EML4: variants seen among roughly 807,000 people sequenced by gnomAD.
EML4 encodes the protein echinoderm microtubule-associated protein-like 4.
A neutral mutation model predicts 129.0 loss-of-function variants in EML4; 72 were observed. The ratio of observed to expected loss-of-function variants is 0.56; its 90% CI spans 0.46 to 0.68. The LOEUF is 0.68. EML4 is among the 30% of genes least tolerant of loss of function. The pLI, the probability that EML4 is intolerant of heterozygous loss-of-function variation, is 0.00. For synonymous variants in EML4, 532 were observed against 405.0 expected (o/e 1.31, Z -3.77); for missense variants, 1,363 against 1,190.6 (o/e 1.14, Z -2.13).
intron 6 of EML4, among the ~76,000 whole-genome samples, chr2:42,275,565 A>G (rs547275222): frequency 1.3e-5 from 2 of 152,246 alleles, no homozygotes; most frequent in Non-Finnish European, 2.9e-5. Flanking sequence ...AACAGCCTTT[A>G]TGAACAATAT....
chr2:42,209,798 G>A (rs573501486), intron 1 of EML4, among the ~76,000 whole-genome samples: 1 of 152,056 alleles, frequency 6.6e-6, no homozygotes, highest in African/African-American at 2.4e-5. Context: ...GCATAGCGAC[G>A]AGTGCCTGTA....
chr2:42,223,137 C>A (rs1673724608), intron 1 of EML4, among the ~76,000 whole-genome samples: 1 of 152,060 alleles, frequency 6.6e-6, no homozygotes, highest in African/African-American at 2.4e-5. Flanking sequence ...TGCACAGATT[C>A]CATATTTAGA....
intron 19 of EML4, among the ~76,000 whole-genome samples, chr2:42,323,935 C>T (rs1432507914): frequency 2.7e-5 from 4 of 146,548 alleles, no homozygotes; most frequent in East Asian, 2.1e-4. Flanking sequence ...ACGAGTGAGA[C>T]TCTGTCTCAA....
intron 1 of EML4, among the ~76,000 whole-genome samples, chr2:42,236,763 T>C (rs1320484918): frequency 6.6e-6 from 1 of 152,114 alleles, no homozygotes; most frequent in African/African-American, 2.4e-5. Flanking sequence ...TTGAAACAGG[T>C]CACTTTCTAC....
At chr2:42,327,944 G>A (rs1475601339) in intron 21 of EML4, among the ~76,000 whole-genome samples, 5 of 152,112 alleles carry the variant, frequency 3.3e-5, no homozygotes, top group Admixed American at 2.0e-4. Flanking sequence ...TCCATTATAG[G>A]TGGTTGTTCT....
intron 1 of EML4, among the ~76,000 whole-genome samples, chr2:42,194,044 C>T (rs964847033): frequency 6.6e-6 from 1 of 152,062 alleles, no homozygotes; most frequent in South Asian, 2.1e-4. Flanking sequence ...GCAGAATTTC[C>T]CTTTTACCAT....
intron 1 of EML4, among the ~76,000 whole-genome samples, chr2:42,241,648 T>G (rs778807990): frequency 6.6e-6 from 1 of 152,214 alleles, no homozygotes; most frequent in Non-Finnish European, 1.5e-5. Flanking sequence ...CACTCAGTAG[T>G]TTAAGCCCCT....
Position 42,301,236 on chromosome 2 carries a change from A to G in EML4, c.1490-5A>G, listed in dbSNP as rs185168344. 243 of 1,605,752 alleles carry G rather than the reference A, an allele frequency of 1.5e-4. No individual in the cohort carries two copies. The African/African-American group carries it at 3.0e-3, about 20-fold the overall frequency. The stretch of plus-strand genomic sequence containing the variant: ...ACTAGTGTTTTTATTTTTCCCTCAT[A>G]TTAGGTGTATATCAAATCAGCAAAC... On this transcript the variant is annotated splice_polypyrimidine_tract_variant and splice_region_variant and intron_variant, in intron 13 of 22. Transcript: ENST00000318522.
rs778866690 is a variant in EML4, at chr2:42,220,780, G to A, written c.26-24725G>A. Among the ~76,000 whole-genome samples the A allele has an allele frequency of 3.9e-5, 6 of 152,156 alleles. 1 individual carries two copies. Among genetic ancestry groups the A allele is most frequent in the Admixed American group, 1.3e-4 (2 of 15,272 alleles). ...TTGTGAATGCAGAGAAAAAGTTTCTGAAGAGTGCTACTCCAGTGAACATAT... is the reference window on the plus strand; with the variant it reads ...TTGTGAATGCAGAGAAAAAGTTTCTAAAGAGTGCTACTCCAGTGAACATAT... On this transcript the variant is annotated intron_variant, in intron 1 of 22. Coordinates refer to ENST00000318522, the MANE Select transcript of EML4 (RefSeq NM_019063.5).
At position 42,169,580 on chromosome 2, in the gene EML4, C is replaced by G. The variant is rs377169091; in HGVS notation, c.-32C>G. 1.1e-5 allele frequency: 18 copies of G among 1,597,894 alleles called. No individual in the cohort carries two copies. The highest frequency in any genetic ancestry group is 8.5e-5 in the Admixed American group (5 of 58,926). ...TCCGCTGAATGAAGTGCCCGCCCCT[C>G]TAAGCCCGGAGCCCGGCGCTTTCCC... is the stretch of plus-strand genomic sequence containing the variant. On this transcript the variant is annotated 5_prime_UTR_variant, in exon 1 of 23. Transcript: ENST00000318522.
At chr2:42,316,372 C>G (rs1669245332) in intron 18 of EML4, among the ~76,000 whole-genome samples, 1 of 152,164 alleles carries the variant, frequency 6.6e-6, no homozygotes, top group South Asian at 2.1e-4. Flanking sequence ...CTAAATGTCA[C>G]ATCTGGTTAG....
chr2:42,252,993 A>G (rs561096143), intron 2 of EML4, among the ~76,000 whole-genome samples: 2 of 152,302 alleles, frequency 1.3e-5, no homozygotes, highest in South Asian at 2.1e-4. Context: ...GTTTGTAAAC[A>G]TAAGAGTAGG....
In EML4 at chr2:42,256,582, G is replaced by A; in HGVS notation, c.290G>A (p.Ser97Asn). 6.2e-7 allele frequency: 1 copy of A among 1,613,906 alleles called. No homozygotes were observed. The highest frequency in any genetic ancestry group is 8.5e-7 in the Non-Finnish European group (1 of 1,179,870). The change falls in exon 3 of 23, where the codon AGT (serine) becomes AAT (asparagine). Residue 97 changes from serine (S) to asparagine (N), a missense_variant. Ser to Asn is a conservative substitution (Grantham distance 46). Transcript: ENST00000318522. ...GCAAACAGAAAACCAAGTCATACCA[G>A]TGCTGTCTCAATTGCAGGAAAAGAA... is the stretch of plus-strand genomic sequence containing the variant. Reference protein sequence around the residue: ...SGANRKPSHTSAVSIAGKETL... With the variant: ...SGANRKPSHTNAVSIAGKETL...
chr2:42,173,234 A>AT (rs1670379333), intron 1 of EML4, among the ~76,000 whole-genome samples: 1 of 152,148 alleles, frequency 6.6e-6, no homozygotes. Flanking sequence ...GCTGTATATG[A>AT]TTTTCACATA....
chr2:42,325,982 T>G (rs1669791689), intron 20 of EML4, 172 bp from the exon 21 acceptor site: 4 of 613,712 alleles, frequency 6.5e-6, no homozygotes, highest in Non-Finnish European at 8.2e-6. Flanking sequence ...GTTTGTAGTT[T>G]TATAAACCCT....
chr2:42,304,126 C>T (rs989404634), intron 16 of EML4, among the ~76,000 whole-genome samples: 1 of 152,140 alleles, frequency 6.6e-6, no homozygotes, highest in Non-Finnish European at 1.5e-5. Flanking sequence ...TGGGTGGTCT[C>T]TTACTGTATT....
At chr2:42,194,569 G>C (rs1403603834) in intron 1 of EML4, among the ~76,000 whole-genome samples, 1 of 151,010 alleles carries the variant, frequency 6.6e-6, no homozygotes. Context: ...AGGCTGGAGT[G>C]CAGTAGCTCA....
chr2:42,263,630 C>G (rs1479498105), intron 5 of EML4, among the ~76,000 whole-genome samples: 2 of 151,954 alleles, frequency 1.3e-5, no homozygotes, highest in East Asian at 3.9e-4. Context: ...GTCTCGATCT[C>G]TTGACCTCAT....
rs116049062 is a variant in EML4, at chr2:42,282,594, T to C, written c.792-229T>C. ...ATTTTCTGTCGAGATGGGGTCTCAC[T>C]ATTGCCCGCACTACTCTCAAACTCC... On this transcript the variant is annotated intron_variant, in intron 7 of 22. Coordinates refer to ENST00000318522, the MANE Select transcript of EML4 (RefSeq NM_019063.5). Among the ~76,000 whole-genome samples, 851 of 152,180 alleles carry C rather than the reference T, an allele frequency of 5.6e-3. 5 individuals carry two copies. The highest frequency in any genetic ancestry group is 0.02 in the African/African-American group (820 of 41,506).
Sources: allele counts gnomAD v4.1 joint callset (sites outside exome capture counted in the v4.1 genomes callset), GRCh38; gene constraint gnomAD v4.1.1; transcripts MANE v1.5; gene names NCBI Gene and HGNC (gene_info 2026-07-23, HGNC 2026-07-21).